Variants in TBC1D4 observed in about 807,000 individuals in gnomAD.
TBC1D4 encodes TBC1 domain family member 4.
TBC1D4 carries 121 observed loss-of-function variants against 142.5 expected under a neutral mutation model. The ratio of observed to expected loss-of-function variants is 0.85; its 90% CI spans 0.73 to 0.99. The LOEUF (loss-of-function observed/expected upper bound fraction) is 0.99. Ranked by LOEUF, TBC1D4 falls within the 50% of genes least tolerant of loss-of-function variation. The probability of loss-of-function intolerance (pLI) is 0.00; values close to 1 mark genes in which losing one functional copy is unlikely to be tolerated. For missense variants in TBC1D4, 1,475 were observed against 1,606.6 expected (o/e 0.92, Z 1.40); for synonymous variants, 630 against 628.2 (o/e 1.00, Z -0.04).
At chr13:75,425,313 T>C (rs1886334470) in intron 1 of TBC1D4, among the ~76,000 whole-genome samples, 2 of 152,002 alleles carry the variant, frequency 1.3e-5, no homozygotes, top group Non-Finnish European at 2.9e-5. Flanking sequence ...ATGGTTATTA[T>C]AAAAAAAGAT....
chr13:75,410,189 C>A (rs2138393869), intron 1 of TBC1D4, among the ~76,000 whole-genome samples: 1 of 152,244 alleles, frequency 6.6e-6, no homozygotes, highest in East Asian at 1.9e-4. Context: ...TTGATATATT[C>A]ACATCACGTC....
Position 75,362,271 on chromosome 13 carries a change from C to T in TBC1D4, c.835G>A (p.Gly279Ser). ...EEADGTDTHL[G>S]LPAGASQPAL... The stretch of plus-strand genomic sequence containing the variant: ...GGCTGGCTGGCCCCGGCAGGTAAGC[C>T]AAGGTGGGTGTCGGTGCCGTCAGCC... Residue 279 changes from glycine (G) to serine (S), a missense_variant, in exon 2 of 21, where the codon GGC (glycine) becomes AGC (serine). This residue lies in a region of TBC1D4 where 1,227 missense variants were observed against 1,267.7 expected (regional missense o/e 0.97). Transcript: ENST00000377636. This position sits in a 1 kb window ranked among gnomAD's most constrained non-coding sequence, Gnocchi z 4.2. The T allele has an allele frequency of 3.7e-6, 6 of 1,613,896 alleles. No homozygotes were observed. Among genetic ancestry groups the T allele is most frequent in the Non-Finnish European group, 5.1e-6 (6 of 1,179,990 alleles).
chr13:75,363,931 G>GT (rs1882739317), intron 1 of TBC1D4, among the ~76,000 whole-genome samples: 1 of 152,226 alleles, frequency 6.6e-6, no homozygotes, highest in African/African-American at 2.4e-5. Context: ...GCATGACCAT[G>GT]ACACAGCCTC....
In TBC1D4 at chr13:75,302,491, A is replaced by G. The variant is rs1593885387; in HGVS notation, c.2753-90T>C. 7 of 1,504,920 alleles carry G rather than the reference A, an allele frequency of 4.7e-6. No individual in the cohort carries two copies. In the East Asian group the frequency reaches 1.6e-4, roughly 35 times the overall value. 93.2% of individuals were successfully genotyped at this position (1,504,920 alleles called of 1,614,324 possible). On this transcript the variant is annotated intron_variant, in intron 15 of 20. Transcript: ENST00000377636. ...GATTCACTATATAATTCTGGTAAAC[A>G]GGCAGCTGTATGTACTGCATGCCAC...
At chr13:75,312,416 G>GAAAAAAAA (rs762306467) in intron 13 of TBC1D4, among the ~76,000 whole-genome samples, 15 of 125,746 alleles carry the variant, frequency 1.2e-4, no homozygotes, top group African/African-American at 3.1e-4. Flanking sequence ...CAATCTCTGG[G>GAAAAAAAA]AAAAAAAAAA....
chr13:75,382,036 TC>T (rs1300503106), intron 1 of TBC1D4, among the ~76,000 whole-genome samples: 1 of 152,176 alleles, frequency 6.6e-6, no homozygotes, highest in East Asian at 1.9e-4. Context: ...TAAAAGGGAA[TC>T]TTTTTAGGAT....
intron 1 of TBC1D4, among the ~76,000 whole-genome samples, chr13:75,474,528 C>T (rs1162155779): frequency 6.6e-6 from 1 of 152,164 alleles, no homozygotes; most frequent in Non-Finnish European, 1.5e-5. Flanking sequence ...CACTGCACTC[C>T]AGCCTGGGCG....
At chr13:75,392,030 C>CTTTCCT (rs1319238576) in intron 1 of TBC1D4, among the ~76,000 whole-genome samples, 8 of 152,162 alleles carry the variant, frequency 5.3e-5, no homozygotes, top group African/African-American at 1.9e-4. Context: ...TCCCCAACCC[C>CTTTCCT]TTTCCTGTAA....
chr13:75,448,564 G>A (rs1414476002), intron 1 of TBC1D4, among the ~76,000 whole-genome samples: 81 of 141,680 alleles, frequency 5.7e-4, no homozygotes, highest in African/African-American at 1.9e-3. Context: ...GCGAAACTCC[G>A]TCTCAAAAAA....
At chr13:75,351,776 G>T (rs1480645505) in intron 4 of TBC1D4, among the ~76,000 whole-genome samples, 1 of 151,916 alleles carries the variant, frequency 6.6e-6, no homozygotes, top group Non-Finnish European at 1.5e-5. Context: ...AGTATTCCAT[G>T]GTGTATATGT....
chr13:75,287,258 C>T (rs1214674742), intron 20 of TBC1D4, among the ~76,000 whole-genome samples: 2 of 152,136 alleles, frequency 1.3e-5, no homozygotes, highest in African/African-American at 2.4e-5. Context: ...CTAAATCACC[C>T]CCCTCACCAA....
At chr13:75,409,827 A>T (rs2138389852) in intron 1 of TBC1D4, among the ~76,000 whole-genome samples, 1 of 152,320 alleles carries the variant, frequency 6.6e-6, no homozygotes, top group Admixed American at 6.5e-5. Context: ...GATAGCTATA[A>T]AGGTCCCTTC....
At chr13:75,388,659 T>C (rs535216040) in intron 1 of TBC1D4, among the ~76,000 whole-genome samples, 3 of 152,180 alleles carry the variant, frequency 2.0e-5, no homozygotes, top group Non-Finnish European at 2.9e-5. Context: ...AATGTCAACA[T>C]GGTGAAAAAG....
chr13:75,388,200 C>T lies in TBC1D4; in HGVS notation c.499-25593G>A, dbSNP rs1884287722. On this transcript the variant is annotated intron_variant, in intron 1 of 20. Transcript: ENST00000377636. ...ATTAGATTAGGCCCACTTGGATAAT[C>T]CAGGATAATCTCTGCATCTCGAGGT... 2.0e-5 allele frequency among the ~76,000 whole-genome samples: 3 copies of T among 152,184 alleles called. No homozygotes were observed. The South Asian group carries it at 6.2e-4, about 32-fold the overall frequency.
intron 1 of TBC1D4, among the ~76,000 whole-genome samples, chr13:75,454,282 C>G (rs1403247071): frequency 1.3e-5 from 2 of 152,098 alleles, no homozygotes; most frequent in Admixed American, 1.3e-4. Flanking sequence ...TCCCAAAGTT[C>G]TGGGATTACA....
chr13:75,293,836 A>G (rs1243945211), intron 18 of TBC1D4, among the ~76,000 whole-genome samples: 2 of 152,158 alleles, frequency 1.3e-5, no homozygotes, highest in African/African-American at 4.8e-5. Flanking sequence ...CAAACAACAT[A>G]TTTCCTTACT....
At chr13:75,393,472 T>A (rs1884603068) in intron 1 of TBC1D4, among the ~76,000 whole-genome samples, 2 of 152,202 alleles carry the variant, frequency 1.3e-5, no homozygotes, top group African/African-American at 2.4e-5. Flanking sequence ...CCGCATTCGA[T>A]CCACCAGATA....
intron 1 of TBC1D4, among the ~76,000 whole-genome samples, chr13:75,399,110 G>A (rs1237871710): frequency 1.3e-5 from 2 of 152,150 alleles, no homozygotes; most frequent in African/African-American, 2.4e-5. Context: ...GGGAGGCCGA[G>A]GCAGGCGGAT....
chr13:75,482,012 A>C lies in TBC1D4; in HGVS notation c.-245T>G. The C allele has an allele frequency of 2.6e-5, 11 of 415,762 alleles. No individual in the cohort carries two copies. The highest frequency in any genetic ancestry group is 4.0e-5 in the East Asian group (1 of 25,084). The allele number at this position is 415,762 out of a possible 1,614,324, so 25.8% of individuals were successfully genotyped here. A position where few individuals can be genotyped will look rare whatever the true frequency, so the allele number is the denominator to read the frequency against. On this transcript the variant is annotated 5_prime_UTR_variant, in exon 1 of 21. Transcript: ENST00000377636. ...CGCCCGGCAGGCGAGGGCGGGTTAAATGGGCATCCTCCTCCTTGGGCTGGC... is the reference window on the plus strand; with the variant it reads ...CGCCCGGCAGGCGAGGGCGGGTTAACTGGGCATCCTCCTCCTTGGGCTGGC...
Sources: gnomAD v4.1 joint callset for allele counts (sites outside exome capture counted in the v4.1 genomes callset) on GRCh38, gnomAD v4.1.1 for gene constraint, gnomAD v4.1.1 regional missense constraint, Gnocchi (gnomAD v3.1) non-coding constraint, MANE v1.5 for transcripts, NCBI Gene and HGNC (gene_info 2026-07-23, HGNC 2026-07-21) for gene names.